Variants in TUBB6 observed in about 807,000 individuals in gnomAD.
TUBB6 encodes the protein tubulin beta 6 class V, also known as tubulin beta-6 chain.
In TUBB6, 18 loss-of-function variants were observed where a neutral mutation model predicts 32.3. The ratio of observed to expected loss-of-function variants is 0.56; its 90% CI spans 0.39 to 0.83. The LOEUF is 0.83. Among genes scored for constraint, TUBB6 ranks in the 40% least tolerant of loss-of-function variants. The pLI is 0.00. For synonymous variants in TUBB6, 280 were observed against 265.8 expected, an observed-to-expected ratio of 1.05 and a Z score of -0.52; for missense variants, 480 against 632.0, an observed-to-expected ratio of 0.76 and a Z score of 2.58.
intron 3 of TUBB6, among the ~76,000 whole-genome samples, chr18:12,316,380 T>TCTGTAAGCCTTC (rs1906675660): frequency 6.6e-6 from 1 of 152,240 alleles, no homozygotes; most frequent in African/African-American, 2.4e-5. Flanking sequence ...GCCCATTTAG[T>TCTGTAAGCCTTC]TATCTAATTG....
At chr18:12,308,938 G>A (rs1906186786) in intron 2 of TUBB6, 143 bp downstream of exon 2, 2 of 636,950 alleles carry the variant, frequency 3.1e-6, no homozygotes, top group African/African-American at 3.7e-5. Flanking sequence ...GCTCCTCCGG[G>A]GCGGGAAATC....
downstream of TUBB6, among the ~76,000 whole-genome samples, chr18:12,327,778 C>A (rs980263249): frequency 2.0e-5 from 3 of 152,206 alleles, no homozygotes. Flanking sequence ...TCGGTGCTAT[C>A]TGGCTTTGTC....
At chr18:12,314,042 T>C (rs1906535608) in intron 3 of TUBB6, among the ~76,000 whole-genome samples, 2 of 152,226 alleles carry the variant, frequency 1.3e-5, no homozygotes, top group Non-Finnish European at 2.9e-5. Context: ...GTAACTCACT[T>C]ACTAAGTAGG....
rs535975148 is a variant in TUBB6, at chr18:12,325,395, C to A, written c.606C>A (p.Ile202=). Residue 202 remains isoleucine, a synonymous_variant, in exon 4 of 4, where the codon ATC becomes ATA. Coordinates refer to ENST00000317702, the MANE Select transcript of TUBB6 (RefSeq NM_032525.3). The part of the protein sequence containing the change: ...LVENTDETYC[I]DNEALYDICF... ...AGAATACAGACGAGACCTACTGCAT[C>A]GACAACGAGGCGCTCTATGACATCT... The A allele has an allele frequency of 5.0e-6, 8 of 1,614,120 alleles. No individual in the cohort carries two copies. Among genetic ancestry groups the A allele is most frequent in the Admixed American group, 1.7e-5 (1 of 60,006 alleles).
chr18:12,309,419 T>A (rs1906234562), intron 2 of TUBB6, among the ~76,000 whole-genome samples: 1 of 100,708 alleles, frequency 9.9e-6, no homozygotes, highest in African/African-American at 4.0e-5. Context: ...CCCCCCAGTT[T>A]AAAACGTATC....
rs11553522 is a variant in TUBB6 at position 12,308,346 on chromosome 18, C to T, written c.54C>T (p.Thr18=). ...QAGQCGNQIG[T]KFWEVISDEH... ...GCCAGTGCGGGAACCAGATCGGCAC[C>T]AAGGTGGGCCTGGCGCGGTGCAGGG... Residue 18 remains threonine (T), a synonymous_variant, in exon 1 of 4, where the codon ACC becomes ACT. Coordinates refer to ENST00000317702, the MANE Select transcript of TUBB6 (RefSeq NM_032525.3). 6.8e-7 allele frequency: 1 copy of T among 1,475,808 alleles called. No homozygotes were observed. The highest frequency in any genetic ancestry group is 9.0e-7 in the Non-Finnish European group (1 of 1,109,114). The allele number at this position is 1,475,808 out of a possible 1,614,324, so 91.4% of individuals were successfully genotyped here. A position where few individuals can be genotyped will look rare whatever the true frequency, so the allele number is the denominator to read the frequency against.
chr18:12,311,564 T>TC (rs1906386393), intron 3 of TUBB6, among the ~76,000 whole-genome samples: 1 of 152,116 alleles, frequency 6.6e-6, no homozygotes, highest in Non-Finnish European at 1.5e-5. Context: ...ACTACTGCAC[T>TC]CCAACCTGGG....
intron 3 of TUBB6, among the ~76,000 whole-genome samples, chr18:12,323,635 A>T (rs539949960): frequency 1.3e-5 from 2 of 151,696 alleles, no homozygotes; most frequent in East Asian, 3.9e-4. Flanking sequence ...GTGAAACCCC[A>T]TCTCTACTAA....
At chr18:12,326,760 A>G (rs1907352813), downstream of TUBB6, 1 of 152,770 alleles carries the variant, frequency 6.5e-6, no homozygotes, top group African/African-American at 2.4e-5. Context: ...AAGGCAATGC[A>G]GTACAGACAA....
At chr18:12,309,417 T>G (rs1209802047) in intron 2 of TUBB6, among the ~76,000 whole-genome samples, 3 of 94,054 alleles carry the variant, frequency 3.2e-5, no homozygotes, top group Non-Finnish European at 6.1e-5. Context: ...CCCCCCCCAG[T>G]TTAAAACGTA....
chr18:12,315,528 TGA>T (rs1479617226), intron 3 of TUBB6, among the ~76,000 whole-genome samples: 5 of 152,238 alleles, frequency 3.3e-5, no homozygotes, highest in Non-Finnish European at 7.3e-5. Context: ...GCTTATTTTA[TGA>T]GAGACTCAGG....
intron 3 of TUBB6, among the ~76,000 whole-genome samples, chr18:12,315,321 C>G (rs969100096): frequency 6.6e-6 from 1 of 152,186 alleles, no homozygotes; most frequent in Non-Finnish European, 1.5e-5. Context: ...TCTTGATTCA[C>G]TTAAATTTGT....
At chr18:12,308,370 G>T in intron 1 of TUBB6, 21 bp downstream of exon 1, 2 of 1,408,400 alleles carry the variant, frequency 1.4e-6, no homozygotes, top group East Asian at 3.0e-5. Flanking sequence ...CGCGGTGCAG[G>T]GCCTCTCCGC....
intron 3 of TUBB6, among the ~76,000 whole-genome samples, chr18:12,311,372 C>G (rs762795127): frequency 1.3e-5 from 2 of 152,118 alleles, no homozygotes; most frequent in Non-Finnish European, 2.9e-5. Flanking sequence ...CCAAGACGAG[C>G]GGATCACGAG....
At chr18:12,314,800 G>A (rs992789878) in intron 3 of TUBB6, among the ~76,000 whole-genome samples, 1 of 152,134 alleles carries the variant, frequency 6.6e-6, no homozygotes, top group African/African-American at 2.4e-5. Context: ...CTGGGTTTCT[G>A]GCAACTAAAT....
At chr18:12,322,809 G>C (rs965027364) in intron 3 of TUBB6, among the ~76,000 whole-genome samples, 10 of 152,092 alleles carry the variant, frequency 6.6e-5, no homozygotes, top group African/African-American at 2.4e-4. Flanking sequence ...AATAGATATA[G>C]ATAGGTAGAT....
chr18:12,325,539 G>A lies in TUBB6; in HGVS notation c.750G>A (p.Leu250=). Residue 250 remains leucine (L), a synonymous_variant, in exon 4 of 4, where the codon CTG becomes CTA. Transcript: ENST00000317702. ...TCCCGGGCCAGCTCAATGCTGACCT[G>A]CGCAAGCTGGCGGTGAACATGGTGC... ...LRFPGQLNAD[L]RKLAVNMVPF... is the part of the protein sequence containing the mutation. The A allele has an allele frequency of 6.2e-7, 1 of 1,614,202 alleles. No homozygotes were observed. Among genetic ancestry groups the A allele is most frequent in the Non-Finnish European group, 8.5e-7 (1 of 1,180,046 alleles).
chr18:12,329,187 G>A (rs1485603697), downstream of TUBB6: 1 of 702,890 alleles, frequency 1.4e-6, no homozygotes. Flanking sequence ...GGAATGAAGA[G>A]TGGGCGACAA....
Position 12,325,589 on chromosome 18 carries a change from T to C in TUBB6, c.800T>C (p.Met267Thr), listed in dbSNP as rs1907255156. The C allele has an allele frequency of 6.2e-7, 1 of 1,613,976 alleles. No individual in the cohort carries two copies. The highest frequency in any genetic ancestry group is 1.7e-5 in the Admixed American group (1 of 60,016). ...MVPFPRLHFFMPGFAPLTSRG... is the reference protein window; with the variant it reads ...MVPFPRLHFFTPGFAPLTSRG... ...CCCTTCCCGCGCCTGCACTTCTTCA[T>C]GCCTGGCTTCGCGCCGCTCACCAGC... Residue 267 changes from methionine to threonine, a missense_variant, in exon 4 of 4, where the codon ATG becomes ACG. Met to Thr is a moderately conservative substitution (Grantham distance 81). Coordinates refer to ENST00000317702, the MANE Select transcript of TUBB6 (RefSeq NM_032525.3).
Sources: allele counts gnomAD v4.1 joint callset (sites outside exome capture counted in the v4.1 genomes callset), GRCh38; gene constraint gnomAD v4.1.1; transcripts MANE v1.5; gene names NCBI Gene and HGNC (gene_info 2026-07-23, HGNC 2026-07-21).